ZNF69: variants seen among roughly 807,000 people sequenced by gnomAD.
ZNF69 encodes the protein ZNF3.
Under a neutral mutation model 50.9 loss-of-function variants are expected in ZNF69, and 47 were observed. The ratio of observed to expected loss-of-function variants is 0.92; its 90% CI spans 0.73 to 1.18. The LOEUF (loss-of-function observed/expected upper bound fraction) is 1.18. Ranked by LOEUF, ZNF69 falls within the 50% of genes most tolerant of loss-of-function variation. The pLI, the probability that ZNF69 is intolerant of heterozygous loss-of-function variation, is 0.00. For synonymous variants in ZNF69, 216 were observed against 223.1 expected (o/e 0.97, Z 0.29); for missense variants, 717 against 675.1 (o/e 1.06, Z -0.69).
chr19:11,928,193 C>A, the ZNF69 span, among the ~76,000 whole-genome samples: 1 of 151,952 alleles, frequency 6.6e-6, no homozygotes, highest in Non-Finnish European at 1.5e-5. Context: ...GTTATGTTGC[C>A]CAGGCTGGTC....
At chr19:11,963,013 C>T in the ZNF69 span, among the ~76,000 whole-genome samples, 1 of 151,636 alleles carries the variant, frequency 6.6e-6, no homozygotes, top group African/African-American at 2.4e-5. Context: ...GAAATATCAC[C>T]ACCTGTTATG....
chr19:11,909,470 A>G (rs1972426309), downstream of ZNF69, among the ~76,000 whole-genome samples: 1 of 152,230 alleles, frequency 6.6e-6, no homozygotes, highest in African/African-American at 2.4e-5. Context: ...CTTATCCACC[A>G]CGATCAAGTT....
the ZNF69 span, among the ~76,000 whole-genome samples, chr19:11,951,314 C>CCTCT: frequency 6.0e-5 from 9 of 150,372 alleles, no homozygotes; most frequent in African/African-American, 2.2e-4. Flanking sequence ...CTGCCACCTC[C>CCTCT]GCCTCCTAGG....
chr19:11,930,478 A>G, the ZNF69 span, among the ~76,000 whole-genome samples: 7 of 148,508 alleles, frequency 4.7e-5, 1 homozygote, highest in African/African-American at 1.6e-4. Context: ...TTCTGTTATG[A>G]GAATGTTAAA....
At chr19:11,897,882 A>AAAATAG (rs1555697515) in intron 1 of ZNF69, among the ~76,000 whole-genome samples, 30 of 151,686 alleles carry the variant, frequency 2.0e-4, no homozygotes, top group Non-Finnish European at 3.7e-4. Flanking sequence ...AAAAAAAAAA[A>AAAATAG]AAAAGAAAAG....
downstream of ZNF69, among the ~76,000 whole-genome samples, chr19:11,910,036 CAG>C (rs1972434736): frequency 6.6e-6 from 1 of 151,252 alleles, no homozygotes; most frequent in African/African-American, 2.4e-5. Flanking sequence ...AACAGACAAA[CAG>C]AGAGCCAAAT....
the ZNF69 span, among the ~76,000 whole-genome samples, chr19:11,952,148 C>T: frequency 1.3e-5 from 2 of 152,006 alleles, no homozygotes; most frequent in South Asian, 4.2e-4. Context: ...CATTGCACTC[C>T]TGCATGGGCA....
rs1288860286 is a variant in ZNF69, at chr19:11,904,731, C to T, written c.334C>T (p.Leu112=). ...TTTTACCCAGGTTCCAGATGACAGG[C>T]TGAACTTCCAGGAGAAGAAAGCTTC... is the stretch of plus-strand genomic sequence containing the variant. ...ETFTQVPDDR[L]NFQEKKASPE... is the part of the protein sequence containing the mutation. Residue 112 remains leucine (L), a synonymous_variant, in exon 4 of 4, where the codon CTG becomes TTG. Transcript: ENST00000429654. The T allele has an allele frequency of 4.3e-6, 7 of 1,613,808 alleles. No homozygotes were observed. In the East Asian group the frequency reaches 1.6e-4, roughly 36 times the overall value.
chr19:11,938,584 A>C, the ZNF69 span, among the ~76,000 whole-genome samples: 6 of 152,184 alleles, frequency 3.9e-5, no homozygotes. Flanking sequence ...TTGTGGCTGC[A>C]TAGTATTCCA....
At chr19:11,922,972 C>T in the ZNF69 span, among the ~76,000 whole-genome samples, 1 of 152,054 alleles carries the variant, frequency 6.6e-6, no homozygotes, top group Admixed American at 6.6e-5. Context: ...ACCACCTCTC[C>T]TGGCTAATTA....
chr19:11,941,403 C>T, the ZNF69 span, among the ~76,000 whole-genome samples: 68 of 152,330 alleles, frequency 4.5e-4, 1 homozygote, highest in African/African-American at 1.6e-3. Flanking sequence ...AGGTGGGAGA[C>T]TCAGGCATGA....
the ZNF69 span, chr19:11,956,589 C>T: frequency 7.5e-6 from 3 of 398,706 alleles, no homozygotes; most frequent in Non-Finnish European, 1.3e-5. Context: ...GGCGCAGTGG[C>T]TCACACCTGT....
the ZNF69 span, among the ~76,000 whole-genome samples, chr19:11,929,354 G>A: frequency 6.8e-6 from 1 of 148,036 alleles, no homozygotes; most frequent in Non-Finnish European, 1.5e-5. Flanking sequence ...AGTAAAGACA[G>A]GGTTTTACCA....
chr19:11,948,637 T>A, the ZNF69 span: 6 of 1,611,382 alleles, frequency 3.7e-6, no homozygotes, highest in African/African-American at 5.4e-5. Flanking sequence ...AACCTTTATT[T>A]TCCATTCAAG....
chr19:11,950,342 G>A, the ZNF69 span: 6 of 1,319,748 alleles, frequency 4.5e-6, no homozygotes, highest in South Asian at 7.9e-5. Flanking sequence ...ACATTTTCCA[G>A]TTCTTTTCGA....
chr19:11,963,997 G>A, the ZNF69 span, among the ~76,000 whole-genome samples: 1 of 152,248 alleles, frequency 6.6e-6, no homozygotes, highest in Non-Finnish European at 1.5e-5. Flanking sequence ...GGAGAGCAGG[G>A]GTTTGAGGGT....
the ZNF69 span, among the ~76,000 whole-genome samples, chr19:11,928,427 C>G: frequency 6.6e-6 from 1 of 152,100 alleles, no homozygotes; most frequent in Non-Finnish European, 1.5e-5. Flanking sequence ...GCCATGAAAT[C>G]TTTGTGTGAG....
downstream of ZNF69, among the ~76,000 whole-genome samples, chr19:11,914,889 A>G (rs531660566): frequency 2.0e-3 from 301 of 152,260 alleles, 2 homozygotes; most frequent in African/African-American, 6.7e-3. Flanking sequence ...ACACAAAGTG[A>G]CTCAGAGCAG....
At chr19:11,895,791 G>T (rs1379039925) in intron 1 of ZNF69, among the ~76,000 whole-genome samples, 2 of 152,184 alleles carry the variant, frequency 1.3e-5, no homozygotes, top group East Asian at 3.9e-4. Context: ...TTAAATTATT[G>T]TATGTGGAGA....
Sources: gnomAD v4.1 joint callset for allele counts (sites outside exome capture counted in the v4.1 genomes callset) on GRCh38, gnomAD v4.1.1 for gene constraint, MANE v1.5 for transcripts, NCBI Gene and HGNC (gene_info 2026-07-23, HGNC 2026-07-21) for gene names.